PARD3B: variants seen among roughly 807,000 people sequenced by gnomAD.
The protein encoded by PARD3B is par-3 family cell polarity regulator beta, also known as partitioning defective 3 homolog B.
A neutral mutation model predicts 130.2 loss-of-function variants in PARD3B; 103 were observed. The observed-to-expected ratio is 0.79, with a 90% CI of 0.67 to 0.93. The LOEUF (loss-of-function observed/expected upper bound fraction) is 0.93, where lower values mean the gene tolerates loss of function less well. PARD3B is among the 40% of genes least tolerant of loss of function. The probability of loss-of-function intolerance (pLI) is 0.00; values close to 1 mark genes in which losing one functional copy is unlikely to be tolerated. For missense variants in PARD3B, 1,609 were observed against 1,499.2 expected (o/e 1.07, Z -1.21); for synonymous variants, 583 against 553.2 (o/e 1.05, Z -0.76).
chr2:204,990,575 T>G (rs1397285762), intron 3 of PARD3B, among the ~76,000 whole-genome samples: 2 of 152,098 alleles, frequency 1.3e-5, no homozygotes, highest in African/African-American at 4.8e-5. Flanking sequence ...ACTCTCTGAT[T>G]CACAGGAATT....
At chr2:204,978,404 G>C (rs1333439096) in intron 3 of PARD3B, among the ~76,000 whole-genome samples, 1 of 152,150 alleles carries the variant, frequency 6.6e-6, no homozygotes, top group African/African-American at 2.4e-5. Context: ...TCACAATTCT[G>C]TGCAACAGTT....
chr2:204,987,201 A>G (rs561176716), intron 3 of PARD3B, among the ~76,000 whole-genome samples: 1 of 152,332 alleles, frequency 6.6e-6, no homozygotes, highest in East Asian at 1.9e-4. Flanking sequence ...AAAGAAAAAA[A>G]TGAAAGCACT....
intron 1 of PARD3B, among the ~76,000 whole-genome samples, chr2:204,592,154 A>AGG (rs1396880790): frequency 6.6e-6 from 1 of 152,252 alleles, no homozygotes. Context: ...TGGAGGCCAA[A>AGG]GGTCTGAGGG....
intron 2 of PARD3B, among the ~76,000 whole-genome samples, chr2:204,782,550 AT>A (rs1277407972): frequency 2.7e-5 from 4 of 150,590 alleles, no homozygotes; most frequent in African/African-American, 9.7e-5. Flanking sequence ...TATATGTAAT[AT>A]ATATAAAATG....
At chr2:204,692,574 G>A (rs576258805) in intron 2 of PARD3B, among the ~76,000 whole-genome samples, 2 of 151,772 alleles carry the variant, frequency 1.3e-5, no homozygotes, top group South Asian at 4.2e-4. Flanking sequence ...TCCATCGCAA[G>A]CTAAAGTACC....
At chr2:205,057,418 T>C (rs1346051413) in intron 4 of PARD3B, among the ~76,000 whole-genome samples, 3 of 137,094 alleles carry the variant, frequency 2.2e-5, no homozygotes, top group Admixed American at 7.5e-5. Context: ...TACATATACA[T>C]ATATACATGT....
At chr2:205,063,889 T>C (rs1700202234) in intron 4 of PARD3B, among the ~76,000 whole-genome samples, 1 of 151,990 alleles carries the variant, frequency 6.6e-6, no homozygotes, top group Admixed American at 6.6e-5. Flanking sequence ...GAACATAGGA[T>C]CTGTTTGTAG....
At chr2:205,401,769 A>G (rs2046261152) in intron 19 of PARD3B, among the ~76,000 whole-genome samples, 1 of 152,138 alleles carries the variant, frequency 6.6e-6, no homozygotes, top group Non-Finnish European at 1.5e-5. Flanking sequence ...TGGATGTGTA[A>G]ATGTCTGATT....
intron 2 of PARD3B, among the ~76,000 whole-genome samples, chr2:204,899,216 CCTCCTTCCCTCCT>C (rs1205757642): frequency 1.6e-5 from 2 of 123,658 alleles, no homozygotes; most frequent in African/African-American, 6.4e-5. Context: ...CCTTCCCTCC[CCTCCTTCCCTCCT>C]CTCCTTCCCT....
At chr2:204,805,841 G>A (rs1248470808) in intron 2 of PARD3B, among the ~76,000 whole-genome samples, 2 of 151,994 alleles carry the variant, frequency 1.3e-5, no homozygotes, top group African/African-American at 4.8e-5. Flanking sequence ...TGCTGAAAAA[G>A]CATTTAATAA....
intron 18 of PARD3B, among the ~76,000 whole-genome samples, chr2:205,369,223 T>C (rs945071516): frequency 1.3e-5 from 2 of 152,228 alleles, no homozygotes; most frequent in Admixed American, 1.3e-4. Context: ...AAATTTATCA[T>C]GGACAAATTG....
intron 11 of PARD3B, among the ~76,000 whole-genome samples, chr2:205,161,754 G>A (rs535045154): frequency 2.6e-5 from 4 of 152,216 alleles, no homozygotes; most frequent in South Asian, 2.1e-4. Context: ...GTTTTTACCC[G>A]GAATCAACAA....
chr2:204,619,716 C>G (rs1013653394), intron 1 of PARD3B, among the ~76,000 whole-genome samples: 8 of 152,126 alleles, frequency 5.3e-5, no homozygotes, highest in African/African-American at 1.4e-4. Context: ...CCTACACAAG[C>G]AAGAGTTAGA....
Position 204,705,054 on chromosome 2 carries a change from G to C in PARD3B, c.222+18772G>C, listed in dbSNP as rs1447736535. Among the ~76,000 whole-genome samples the C allele has an allele frequency of 2.0e-5, 3 of 152,276 alleles. No individual in the cohort carries two copies. In the East Asian group the frequency reaches 5.8e-4, roughly 29 times the overall value. On this transcript the variant is annotated intron_variant, in intron 2 of 22. Transcript: ENST00000406610. ...GGGCACAAAAGAAGGAAGAAAAACTGCTCAGTGCTTGCAACACATCAAATA... is the reference window on the plus strand; with the variant it reads ...GGGCACAAAAGAAGGAAGAAAAACTCCTCAGTGCTTGCAACACATCAAATA...
intron 21 of PARD3B, among the ~76,000 whole-genome samples, chr2:205,527,372 A>T (rs998101809): frequency 3.9e-5 from 6 of 152,192 alleles, no homozygotes; most frequent in Admixed American, 3.3e-4. Context: ...GATTTTTTAT[A>T]AAAATTCTGT....
intron 21 of PARD3B, among the ~76,000 whole-genome samples, chr2:205,529,460 T>C (rs936112099): frequency 6.6e-6 from 1 of 152,182 alleles, no homozygotes; most frequent in African/African-American, 2.4e-5. Flanking sequence ...GTACTCTGTG[T>C]TCTTCTGTAG....
intron 2 of PARD3B, among the ~76,000 whole-genome samples, chr2:204,802,736 C>T (rs1371909238): frequency 6.6e-6 from 1 of 152,084 alleles, no homozygotes; most frequent in Non-Finnish European, 1.5e-5. Context: ...CATTCTAACA[C>T]AGGAACAGAA....
At chr2:204,755,463 C>T (rs1221152153) in intron 2 of PARD3B, among the ~76,000 whole-genome samples, 3 of 152,144 alleles carry the variant, frequency 2.0e-5, no homozygotes, top group Non-Finnish European at 4.4e-5. Flanking sequence ...CCAACCCAAA[C>T]TCTTACGATA....
chr2:205,279,086 A>C (rs1056538493), intron 16 of PARD3B, among the ~76,000 whole-genome samples: 1 of 150,776 alleles, frequency 6.6e-6, no homozygotes, highest in Non-Finnish European at 1.5e-5. Flanking sequence ...AAAAAAAAAA[A>C]AAAAAAAAAA....
Sources: allele counts gnomAD v4.1 joint callset (sites outside exome capture counted in the v4.1 genomes callset), GRCh38; gene constraint gnomAD v4.1.1; transcripts MANE v1.5; gene names NCBI Gene and HGNC (gene_info 2026-07-23, HGNC 2026-07-21).